Variants in PROKR2 observed in about 807,000 individuals in gnomAD.
PROKR2 encodes the protein prokineticin receptor 2, also known as G protein-coupled receptor 73-like 1.
A neutral mutation model predicts 23.4 loss-of-function variants in PROKR2; 26 were observed. That is an observed-to-expected ratio of 1.11 (90% CI 0.81 to 1.54). The LOEUF (loss-of-function observed/expected upper bound fraction) is 1.54. Among genes scored for constraint, PROKR2 ranks in the 40% most tolerant of loss-of-function variants. The probability of loss-of-function intolerance (pLI) is 0.00; values close to 1 mark genes in which losing one functional copy is unlikely to be tolerated. For synonymous variants in PROKR2, 212 were observed against 201.2 expected (o/e 1.05, Z -0.45); for missense variants, 453 against 511.5 (o/e 0.89, Z 1.10).
Position 5,302,475 on chromosome 20 carries a change from G to A in PROKR2, c.720C>T (p.Thr240=). 1.2e-6 allele frequency: 2 copies of A among 1,614,202 alleles called. No homozygotes were observed. The highest frequency in any genetic ancestry group is 8.5e-7 in the Non-Finnish European group (1 of 1,180,040). ...CCCGGGAGATCCTGGCATAGCACAGGGTCATGGTGACCACAGGGCCCACGA... is the reference window on the plus strand; with the variant it reads ...CCCGGGAGATCCTGGCATAGCACAGAGTCATGGTGACCACAGGGCCCACGA... ...VEFVGPVVTM[T]LCYARISREL... is the part of the protein sequence containing the mutation. Residue 240 remains threonine (T), a synonymous_variant, in exon 3 of 3, where the codon ACC becomes ACT. Transcript: ENST00000678254.
Position 5,302,425 on chromosome 20 carries a change from C to G in PROKR2, c.770G>C (p.Gly257Ala), listed in dbSNP as rs772347118. 6.8e-6 allele frequency: 11 copies of G among 1,614,202 alleles called. No individual in the cohort carries two copies. The highest frequency in any genetic ancestry group is 1.6e-4 in the Middle Eastern group (1 of 6,062). ...CTTGCGAATCTGCTCCGTCTGGAAC[C>G]CAGGGACTGCCTTGAACCAGAGCTC... ...SRELWFKAVP[G>A]FQTEQIRKRL... Residue 257 changes from glycine (G) to alanine (A), a missense_variant, in exon 3 of 3, where the codon GGG (glycine) becomes GCG (alanine). Gly to Ala is a moderately conservative substitution (Grantham distance 60, BLOSUM62 0). Transcript: ENST00000678254.
chr20:5,310,611 C>G (rs56029828), intron 2 of PROKR2, among the ~76,000 whole-genome samples: 58,875 of 133,540 alleles, frequency 0.44, 11,840 homozygotes, highest in African/African-American at 0.54. Flanking sequence ...TCTCCCTATC[C>G]TACCACCTGC....
rs1978943925 is a variant in PROKR2, at chr20:5,300,486, T to C, written c.*1554A>G. On this transcript the variant is annotated 3_prime_UTR_variant, in exon 3 of 3. Coordinates refer to ENST00000678254, the MANE Select transcript of PROKR2 (RefSeq NM_144773.4). ...CAGTGGATGGGGTTTCCAAATAAAC[T>C]CCCTCCAAATAAACTGTTCAATATC... 6.6e-6 allele frequency among the ~76,000 whole-genome samples: 1 copy of C among 152,156 alleles called. No homozygotes were observed. Among genetic ancestry groups the C allele is most frequent in the Non-Finnish European group, 1.5e-5 (1 of 68,034 alleles).
intron 2 of PROKR2, among the ~76,000 whole-genome samples, chr20:5,305,360 G>A (rs1440854227): frequency 1.3e-5 from 2 of 152,232 alleles, no homozygotes; most frequent in African/African-American, 4.8e-5. Flanking sequence ...GGTCCCAACA[G>A]GAGTCTGTGG....
chr20:5,303,606 G>A (rs1317655532), intron 2 of PROKR2, among the ~76,000 whole-genome samples: 3 of 152,130 alleles, frequency 2.0e-5, no homozygotes, highest in Admixed American at 2.0e-4. Flanking sequence ...TCATTTGTGT[G>A]GATTGAATAC....
chr20:5,303,561 T>G (rs1204396910), intron 2 of PROKR2, among the ~76,000 whole-genome samples: 1 of 152,168 alleles, frequency 6.6e-6, no homozygotes, highest in African/African-American at 2.4e-5. Flanking sequence ...CACACTGTCT[T>G]GGAGACAGAT....
Position 5,314,302 on chromosome 20 carries a change from G to A in PROKR2, c.68C>T (p.Ser23Phe). ...ACCATAACTGAAGTTAAAGGAGAGG[G>A]AGGAGGCATGGTCTTGGGGTGGATT... ...NFNPPQDHASSLSFNFSYGDY... is the reference protein window; with the variant it reads ...NFNPPQDHASFLSFNFSYGDY... The change falls in exon 2 of 3, where the codon TCC (serine) becomes TTC (phenylalanine). Residue 23 changes from serine to phenylalanine, a missense_variant. By Grantham distance (155) the Ser-to-Phe change is radical. Coordinates refer to ENST00000678254, the MANE Select transcript of PROKR2 (RefSeq NM_144773.4). 1 of 1,614,200 alleles carries A rather than the reference G, an allele frequency of 6.2e-7. No homozygotes were observed. Among genetic ancestry groups the A allele is most frequent in the Non-Finnish European group, 8.5e-7 (1 of 1,180,032 alleles).
rs59500959 is a variant in PROKR2 at position 5,301,222 on chromosome 20, T to TG, written c.*817_*818insC. On this transcript the variant is annotated 3_prime_UTR_variant, in exon 3 of 3. Coordinates refer to ENST00000678254, the MANE Select transcript of PROKR2 (RefSeq NM_144773.4). ...AGCCGTTGGTTGTTGTTGTTGTTGT[T>TG]TTGTTGTTTGTTTGTTTGTTTTTTT... 0.05 allele frequency among the ~76,000 whole-genome samples: 7,069 copies of TG among 141,216 alleles called. 395 individuals carry two copies. The highest frequency in any genetic ancestry group is 0.13 in the African/African-American group (5,106 of 38,712). The allele number at this position is 141,216 out of a possible 152,430, so 92.6% of individuals were successfully genotyped here.
intron 1 of PROKR2, among the ~76,000 whole-genome samples, chr20:5,314,860 G>T (rs1979601527): frequency 6.6e-6 from 1 of 152,228 alleles, no homozygotes. Flanking sequence ...AGCTGGCCAG[G>T]CTCCTACAGC....
At chr20:5,308,568 G>A (rs902853066) in intron 2 of PROKR2, among the ~76,000 whole-genome samples, 2 of 152,116 alleles carry the variant, frequency 1.3e-5, no homozygotes, top group East Asian at 1.9e-4. Flanking sequence ...ATAAATACAT[G>A]GGTAAATCTC....
rs1005360832 is a variant in PROKR2 at position 5,316,223 on chromosome 20, C to G, written c.-9+271G>C. 2.2e-6 allele frequency: 1 copy of G among 456,658 alleles called. No individual in the cohort carries two copies. Among genetic ancestry groups the G allele is most frequent in the Non-Finnish European group, 4.4e-6 (1 of 226,948 alleles). 28.3% of individuals were successfully genotyped at this position (456,658 alleles called of 1,614,324 possible). A position where few individuals can be genotyped will look rare whatever the true frequency, so the allele number is the denominator to read the frequency against. ...CCCTCCCCTGCAATTTGGAGCTCGT[C>G]CGCGAGCTCAGCTACCCGCTGGCTC... On this transcript the variant is annotated intron_variant, in intron 1 of 2. Transcript: ENST00000678254. This position sits in a 1 kb window ranked among gnomAD's most constrained non-coding sequence, Gnocchi z 5.0.
chr20:5,302,286 A>C lies in PROKR2; in HGVS notation c.909T>G (p.Thr303=). 6.2e-7 allele frequency: 1 copy of C among 1,614,244 alleles called. No individual in the cohort carries two copies. The highest frequency in any genetic ancestry group is 1.3e-5 in the African/African-American group (1 of 75,056). Residue 303 remains threonine, a synonymous_variant, in exon 3 of 3, where the codon ACT becomes ACG. Transcript: ENST00000678254. ...GGTAGTGCTTTTCCTTCACGAACAC[A>C]GTGGGGAAGAAGTCACGAACGATGG... ...GFTIVRDFFP[T]VFVKEKHYLT...
intron 2 of PROKR2, among the ~76,000 whole-genome samples, chr20:5,305,764 C>T (rs1268890791): frequency 1.3e-5 from 2 of 152,168 alleles, no homozygotes; most frequent in African/African-American, 4.8e-5. Context: ...TCTGCATGGC[C>T]AATTCAACCC....
rs775192452 is a variant in PROKR2, at chr20:5,316,021, C to T, written c.-9+473G>A. The T allele has an allele frequency of 1.5e-5, 7 of 456,578 alleles. No homozygotes were observed. The highest frequency in any genetic ancestry group is 3.1e-5 in the Non-Finnish European group (7 of 226,968). 28.3% of individuals were successfully genotyped at this position (456,578 alleles called of 1,614,324 possible). ...CGGCCGCACTGTCGGCGTCTAGAGG[C>T]GACATCCTGGCAAAGACAGGAATCA... On this transcript the variant is annotated intron_variant, in intron 1 of 2. Transcript: ENST00000678254. The surrounding 1 kb of genome is among the most constrained non-coding windows in gnomAD (Gnocchi z 5.0).
chr20:5,311,008 G>C (rs6053290), intron 2 of PROKR2, among the ~76,000 whole-genome samples: 3 of 152,204 alleles, frequency 2.0e-5, no homozygotes, highest in Non-Finnish European at 4.4e-5. Context: ...TGGAATGCTA[G>C]GCTCAGGATT....
In PROKR2 at chr20:5,316,049, T is replaced by G. The variant is rs983468269; in HGVS notation, c.-9+445A>C. On this transcript the variant is annotated intron_variant, in intron 1 of 2. Transcript: ENST00000678254. This position sits in a 1 kb window ranked among gnomAD's most constrained non-coding sequence, Gnocchi z 5.0. ...CATCCTGGCAAAGACAGGAATCAAGTCAGAAATTCAGGCTCTAGAAGCAAA... is the reference window on the plus strand; with the variant it reads ...CATCCTGGCAAAGACAGGAATCAAGGCAGAAATTCAGGCTCTAGAAGCAAA... The G allele has an allele frequency of 6.6e-6, 3 of 456,498 alleles. No individual in the cohort carries two copies. Among genetic ancestry groups the G allele is most frequent in the African/African-American group, 6.0e-5 (3 of 50,052 alleles). 28.3% of individuals were successfully genotyped at this position (456,498 alleles called of 1,614,324 possible).
intron 2 of PROKR2, 82 bp downstream of exon 2, chr20:5,313,830 G>C: frequency 8.6e-7 from 1 of 1,168,368 alleles, no homozygotes; most frequent in East Asian, 2.5e-5. Context: ...CCTATCTGGA[G>C]CAATGTCAGC....
chr20:5,311,377 T>C (rs895862074), intron 2 of PROKR2, among the ~76,000 whole-genome samples: 1 of 152,128 alleles, frequency 6.6e-6, no homozygotes, highest in Non-Finnish European at 1.5e-5. Flanking sequence ...GGAAGCTGGT[T>C]GGGGCAGAGT....
At chr20:5,304,550 C>T (rs1408359661) in intron 2 of PROKR2, among the ~76,000 whole-genome samples, 2 of 152,170 alleles carry the variant, frequency 1.3e-5, no homozygotes. Flanking sequence ...ATTAATATAA[C>T]TGCAGACCAA....
Sources: gnomAD v4.1 joint callset for allele counts (sites outside exome capture counted in the v4.1 genomes callset) on GRCh38, gnomAD v4.1.1 for gene constraint, Gnocchi (gnomAD v3.1) non-coding constraint, MANE v1.5 for transcripts, NCBI Gene and HGNC (gene_info 2026-07-23, HGNC 2026-07-21) for gene names.